Variants in ESPNL observed in about 807,000 individuals in gnomAD.
The protein encoded by ESPNL is espin-like protein.
Under a neutral mutation model 46.8 loss-of-function variants are expected in ESPNL, and 49 were observed. The ratio of observed to expected loss-of-function variants is 1.05; its 90% CI spans 0.83 to 1.33. The LOEUF is 1.33. Among genes scored for constraint, ESPNL ranks in the 40% most tolerant of loss-of-function variants. The pLI is 0.00. For missense variants in ESPNL, 1,540 were observed against 1,436.6 expected (o/e 1.07, Z -1.16); for synonymous variants, 664 against 662.1 (o/e 1.00, Z -0.04).
Position 238,104,643 on chromosome 2 carries a change from C to G in ESPNL, c.486-13C>G, listed in dbSNP as rs183738193. The G allele has an allele frequency of 5.8e-6, 9 of 1,561,620 alleles. 1 individual carries two copies. The Admixed American group carries it at 1.4e-4, about 25-fold the overall frequency. On this transcript the variant is annotated splice_polypyrimidine_tract_variant and intron_variant, in intron 2 of 8. Coordinates refer to ENST00000343063, the MANE Select transcript of ESPNL (RefSeq NM_194312.4). ...GGCAGGGACTGGGCCTCCAAACCCTCCCTTCCCTGCAGCAGCGTGAACCGG... is the reference window on the plus strand; with the variant it reads ...GGCAGGGACTGGGCCTCCAAACCCTGCCTTCCCTGCAGCAGCGTGAACCGG...
Position 238,131,010 on chromosome 2 carries a change from CTAGGAGCCCGCCA to C in ESPNL, c.2297_2309del (p.Leu766ProfsTer57), listed in dbSNP as rs1692312520. On this transcript the variant is annotated frameshift_variant, in exon 9 of 9. Transcript: ENST00000343063. LOFTEE classifies it low-confidence loss of function (END_TRUNC). ...CCTCAAGACAGTGGCCTGCAGGACC[CTAGGAGCCCGCCA>C]CGCGGGGTTGCGGGGCCAGGAGGCC... The C allele has an allele frequency of 6.5e-6, 10 of 1,542,624 alleles. No homozygotes were observed. The highest frequency in any genetic ancestry group is 8.7e-6 in the Non-Finnish European group (10 of 1,144,916).
intron 5 of ESPNL, among the ~76,000 whole-genome samples, chr2:238,122,337 C>T (rs760975192): frequency 3.3e-5 from 5 of 152,224 alleles, no homozygotes; most frequent in African/African-American, 1.2e-4. Flanking sequence ...ATCCTAATAC[C>T]GAGGGTGGCA....
chr2:238,128,678 G>A (rs765101927), intron 7 of ESPNL, 29 bp from the exon 8 acceptor site: 11 of 1,570,218 alleles, frequency 7.0e-6, no homozygotes, highest in East Asian at 4.7e-5. Flanking sequence ...TCCCCTTCGG[G>A]CCTGTGTGAC....
chr2:238,124,512 A>C (rs1692054066), intron 5 of ESPNL, among the ~76,000 whole-genome samples: 1 of 152,048 alleles, frequency 6.6e-6, no homozygotes, highest in Non-Finnish European at 1.5e-5. Flanking sequence ...ACAGCACAGG[A>C]GTCAGGGCAG....
rs765437547 is a variant in ESPNL, at chr2:238,107,950, G to A, written c.832G>A (p.Ala278Thr). The change falls in exon 4 of 9, where the codon GCA (alanine) becomes ACA (threonine). Residue 278 changes from alanine (A) to threonine (T), a missense_variant. Physicochemically the swap from Ala to Thr is moderately conservative, Grantham distance 58. Coordinates refer to ENST00000343063, the MANE Select transcript of ESPNL (RefSeq NM_194312.4). ...DSWGGTPLHD[A>T]AENGQMECCQ... is the part of the protein sequence containing the mutation. Reference sequence around the variant, plus strand: ...CTGGGGTGGGACCCCCCTCCACGACGCAGCAGAGAACGGGCAGATGGAGGT... The same window carrying A: ...CTGGGGTGGGACCCCCCTCCACGACACAGCAGAGAACGGGCAGATGGAGGT... The A allele has an allele frequency of 1.1e-5, 18 of 1,612,554 alleles. No homozygotes were observed. The highest frequency in any genetic ancestry group is 2.2e-5 in the East Asian group (1 of 44,890).
At position 238,116,982 on chromosome 2, in the gene ESPNL, A is replaced by G; in HGVS notation, c.935A>G (p.Glu312Gly). Residue 312 changes from glutamate to glycine, a missense_variant, in exon 5 of 9, where the codon GAG becomes GGG. By Grantham distance (98) the Glu-to-Gly change is moderately conservative. Coordinates refer to ENST00000343063, the MANE Select transcript of ESPNL (RefSeq NM_194312.4). ...GGTTACACGGCGGCAGACCTGGCGG[A>G]GTACCATGGACACCGGGACTGCGCC... ...EDGYTAADLA[E>G]YHGHRDCAQY... is the part of the protein sequence containing the mutation. The G allele has an allele frequency of 1.9e-6, 3 of 1,612,526 alleles. No homozygotes were observed. The highest frequency in any genetic ancestry group is 2.5e-6 in the Non-Finnish European group (3 of 1,179,784).
At chr2:238,121,858 G>A (rs1319602754) in intron 5 of ESPNL, among the ~76,000 whole-genome samples, 1 of 152,218 alleles carries the variant, frequency 6.6e-6, no homozygotes, top group Non-Finnish European at 1.5e-5. Flanking sequence ...CAGAGAAGGT[G>A]AGAGGCTTCC....
chr2:238,130,824 A>G lies in ESPNL; in HGVS notation c.2110A>G (p.Arg704Gly). Residue 704 changes from arginine to glycine, a missense_variant, in exon 9 of 9, where the codon AGG (arginine) becomes GGG (glycine). Transcript: ENST00000343063. ...CAGTGGCCTGGCTTCAGGGGAGCCCAGGCCTGGCGACACAGAGGAGGCCAG... is the reference window on the plus strand; with the variant it reads ...CAGTGGCCTGGCTTCAGGGGAGCCCGGGCCTGGCGACACAGAGGAGGCCAG... ...PRSGLASGEPRPGDTEEASDS... is the reference protein window; with the variant it reads ...PRSGLASGEPGPGDTEEASDS... 6.5e-7 allele frequency: 1 copy of G among 1,546,286 alleles called. No individual in the cohort carries two copies. Among genetic ancestry groups the G allele is most frequent in the Non-Finnish European group, 8.7e-7 (1 of 1,148,868 alleles).
rs144708509 is a variant in ESPNL, at chr2:238,104,713, G to C, written c.543G>C (p.Glu181Asp). Residue 181 changes from glutamate (E) to aspartate (D), a missense_variant, in exon 3 of 9, where the codon GAG becomes GAC. By Grantham distance (45) the Glu-to-Asp change is conservative (BLOSUM62 2). Transcript: ENST00000343063. ...GASPLYLACQ[E>D]GHLHLAQFLV... is the part of the protein sequence containing the mutation. ...CCCCACTCTACCTGGCCTGCCAGGA[G>C]GGCCACCTGCACCTGGCCCAGTTCC... The C allele has an allele frequency of 1.2e-5, 19 of 1,607,932 alleles. No individual in the cohort carries two copies. In the African/African-American group the frequency reaches 2.4e-4, roughly 20 times the overall value.
Position 238,130,484 on chromosome 2 carries a change from C to G in ESPNL, c.1770C>G (p.Pro590=). 6.3e-7 allele frequency: 1 copy of G among 1,598,806 alleles called. No homozygotes were observed. The highest frequency in any genetic ancestry group is 8.5e-7 in the Non-Finnish European group (1 of 1,172,842). ...SEVAPGVQPL[P]FWCSHISRLV... is the part of the protein sequence containing the mutation. ...TGGCCCCCGGGGTGCAGCCCCTGCC[C>G]TTCTGGTGCAGCCACATCTCCCGCC... Residue 590 remains proline, a synonymous_variant, in exon 9 of 9, where the codon CCC becomes CCG. Transcript: ENST00000343063.
intron 6 of ESPNL, among the ~76,000 whole-genome samples, chr2:238,126,424 TTGTG>T (rs1038398999): frequency 2.7e-5 from 4 of 150,258 alleles, no homozygotes; most frequent in African/African-American, 7.4e-5. Flanking sequence ...GTGTTTGTGT[TTGTG>T]TGTCTGTGTC....
At chr2:238,115,190 C>T (rs1691790355) in intron 4 of ESPNL, among the ~76,000 whole-genome samples, 1 of 152,230 alleles carries the variant, frequency 6.6e-6, no homozygotes, top group South Asian at 2.1e-4. Context: ...TTTTGTCCAC[C>T]TTCCCCTGGT....
intron 1 of ESPNL, among the ~76,000 whole-genome samples, chr2:238,101,538 G>A (rs1006051782): frequency 2.2e-4 from 33 of 152,154 alleles, no homozygotes; most frequent in African/African-American, 7.5e-4. Flanking sequence ...CCCTGGCCCC[G>A]GGACCCTGTG....
At chr2:238,111,135 C>G (rs1232993201) in intron 4 of ESPNL, among the ~76,000 whole-genome samples, 5 of 151,892 alleles carry the variant, frequency 3.3e-5, no homozygotes, top group Non-Finnish European at 7.4e-5. Flanking sequence ...CCATGTTGGC[C>G]AGGCTGGTCT....
At chr2:238,110,869 T>C (rs1262856292) in intron 4 of ESPNL, among the ~76,000 whole-genome samples, 1 of 152,140 alleles carries the variant, frequency 6.6e-6, no homozygotes, top group African/African-American at 2.4e-5. Context: ...AAACAATGAG[T>C]TGATCCTCCA....
chr2:238,107,015 A>C (rs1379966252), intron 3 of ESPNL, among the ~76,000 whole-genome samples: 2 of 152,176 alleles, frequency 1.3e-5, no homozygotes, highest in African/African-American at 2.4e-5. Context: ...TGGCCTCCCC[A>C]GTGGGGAAAG....
At chr2:238,123,664 G>GGCAGCCTCA (rs1193224137) in intron 5 of ESPNL, among the ~76,000 whole-genome samples, 1 of 152,072 alleles carries the variant, frequency 6.6e-6, no homozygotes, top group Non-Finnish European at 1.5e-5. Context: ...TCCTGGGGGC[G>GGCAGCCTCA]GCAGCCTCAG....
chr2:238,130,581 C>A lies in ESPNL; in HGVS notation c.1867C>A (p.Arg623=). The A allele has an allele frequency of 6.4e-7, 1 of 1,574,688 alleles. No homozygotes were observed. Among genetic ancestry groups the A allele is most frequent in the East Asian group, 2.3e-5 (1 of 43,156 alleles). The change falls in exon 9 of 9, where the codon CGG becomes AGG. Residue 623 remains arginine (R), a synonymous_variant. Transcript: ENST00000343063. ...LVQGDEKPST[R]PLQDTCREAS... is the part of the protein sequence containing the mutation. ...ACAGGGGGATGAGAAGCCATCCACC[C>A]GGCCCCTGCAGGACACCTGCAGGGA...
chr2:238,127,447 A>C (rs2106478421), intron 6 of ESPNL, 175 bp from the exon 7 acceptor site: 8 of 1,336,000 alleles, frequency 6.0e-6, no homozygotes, highest in Admixed American at 3.7e-5. Flanking sequence ...CTGACTCCCC[A>C]GAGAAGGTCC....
Sources: gnomAD v4.1 joint callset for allele counts (sites outside exome capture counted in the v4.1 genomes callset) on GRCh38, gnomAD v4.1.1 for gene constraint, MANE v1.5 for transcripts, NCBI Gene and HGNC (gene_info 2026-07-23, HGNC 2026-07-21) for gene names.